The following NCAM2 variants were observed in gnomAD, a reference collection of about 807,000 sequenced individuals.
The protein encoded by NCAM2 is N-CAM-2.
NCAM2 carries 30 observed loss-of-function variants against 98.1 expected under a neutral mutation model. The ratio of observed to expected loss-of-function variants is 0.31; its 90% CI spans 0.23 to 0.41. The LOEUF is 0.41. Among genes scored for constraint, NCAM2 ranks in the 10% least tolerant of loss-of-function variants. NCAM2 has a pLI of 1.00. For missense variants in NCAM2, 867 were observed against 1,005.8 expected, an observed-to-expected ratio of 0.86 and a Z score of 1.87; for synonymous variants, 368 against 342.4, an observed-to-expected ratio of 1.07 and a Z score of -0.83.
chr21:21,477,237 G>T (rs1569103557), intron 14 of NCAM2, 54 bp from the exon 15 acceptor site: 3 of 1,350,032 alleles, frequency 2.2e-6, no homozygotes, highest in East Asian at 2.4e-5. Flanking sequence ...TTTTTAAAAA[G>T]GTGTCACTTT....
At chr21:21,357,904 C>T (rs959224275) in intron 8 of NCAM2, among the ~76,000 whole-genome samples, 1 of 152,014 alleles carries the variant, frequency 6.6e-6, no homozygotes, top group Non-Finnish European at 1.5e-5. Flanking sequence ...ATTGAAGGAA[C>T]AATAATATGT....
rs752006207 is a variant in NCAM2 at position 21,432,303 on chromosome 21, G to T, written c.1654+22G>T. The T allele has an allele frequency of 4.4e-6, 7 of 1,607,880 alleles. No homozygotes were observed. The Admixed American group carries it at 5.0e-5, about 12-fold the overall frequency. On this transcript the variant is annotated intron_variant, in intron 12 of 17. Transcript: ENST00000400546. Reference sequence around the variant, plus strand: ...CAAAGTGAGTCAACAATTTCAAAATGTGTTGGTTAATTCAAGCTGATCTTC... The same window carrying T: ...CAAAGTGAGTCAACAATTTCAAAATTTGTTGGTTAATTCAAGCTGATCTTC...
intron 1 of NCAM2, among the ~76,000 whole-genome samples, chr21:21,166,481 C>G (rs1186968458): frequency 7.2e-6 from 1 of 139,298 alleles, no homozygotes; most frequent in African/African-American, 2.5e-5. Context: ...GCTGGGATTA[C>G]AGGCGTGAGC....
rs370143509 is a variant in NCAM2 at position 21,088,903 on chromosome 21, C to T, written c.55+90285C>T. The stretch of plus-strand genomic sequence containing the variant: ...AGGAGAATGGCTTGAACTCGGGAGG[C>T]GGAGCTTGCAGTGAGCTAGATTGCG... On this transcript the variant is annotated intron_variant, in intron 1 of 17. Transcript: ENST00000400546. 4.6e-5 allele frequency among the ~76,000 whole-genome samples: 7 copies of T among 150,850 alleles called. No individual in the cohort carries two copies. In the East Asian group the frequency reaches 9.8e-4, roughly 21 times the overall value.
rs2067243910 is a variant in NCAM2, at chr21:21,145,046, T to C, written c.56-135532T>C. Among the ~76,000 whole-genome samples, 2 of 152,110 alleles carry C rather than the reference T, an allele frequency of 1.3e-5. 1 individual carries two copies. The highest frequency in any genetic ancestry group is 2.9e-5 in the Non-Finnish European group (2 of 68,024). On this transcript the variant is annotated intron_variant, in intron 1 of 17. Coordinates refer to ENST00000400546, the MANE Select transcript of NCAM2 (RefSeq NM_004540.5). ...CAAGCAATATTACTTTATACTAAAA[T>C]GAATCCCTAATAGAGATTCAAGTTG...
At chr21:21,264,955 G>A (rs1466598340) in intron 1 of NCAM2, among the ~76,000 whole-genome samples, 1 of 80,820 alleles carries the variant, frequency 1.2e-5, no homozygotes, top group Non-Finnish European at 2.9e-5. Context: ...ATATATATGT[G>A]TATGTGTATA....
At chr21:21,110,496 C>T (rs1348590065) in intron 1 of NCAM2, among the ~76,000 whole-genome samples, 1 of 151,730 alleles carries the variant, frequency 6.6e-6, no homozygotes, top group African/African-American at 2.4e-5. Flanking sequence ...ACTGGGGACT[C>T]TACATATAAA....
At chr21:21,362,687 A>G (rs1326220394) in intron 8 of NCAM2, among the ~76,000 whole-genome samples, 1 of 152,150 alleles carries the variant, frequency 6.6e-6, no homozygotes, top group Non-Finnish European at 1.5e-5. Flanking sequence ...TCTTAAATTC[A>G]GTAAAAACTA....
At chr21:21,386,692 T>A (rs907158871) in intron 9 of NCAM2, among the ~76,000 whole-genome samples, 1 of 152,130 alleles carries the variant, frequency 6.6e-6, no homozygotes, top group Non-Finnish European at 1.5e-5. Context: ...TTTTATAACA[T>A]TATTGTCTCT....
chr21:21,089,186 C>A (rs1036907525), intron 1 of NCAM2, among the ~76,000 whole-genome samples: 1 of 151,994 alleles, frequency 6.6e-6, no homozygotes, highest in Non-Finnish European at 1.5e-5. Flanking sequence ...AAAATAGATT[C>A]TGTGTTTGAA....
At chr21:21,245,160 CA>C (rs1173364844) in intron 1 of NCAM2, among the ~76,000 whole-genome samples, 2 of 152,166 alleles carry the variant, frequency 1.3e-5, no homozygotes, top group African/African-American at 2.4e-5. Context: ...TGCATTCCTC[CA>C]AGCTTTTGCT....
At chr21:21,459,729 A>C (rs1355544523) in intron 12 of NCAM2, among the ~76,000 whole-genome samples, 1 of 151,654 alleles carries the variant, frequency 6.6e-6, no homozygotes, top group Non-Finnish European at 1.5e-5. Context: ...GGAGTGAGAG[A>C]TAAGGGAAGT....
chr21:21,380,153 C>T (rs2076121681), intron 9 of NCAM2, among the ~76,000 whole-genome samples: 1 of 152,206 alleles, frequency 6.6e-6, no homozygotes, highest in Admixed American at 6.5e-5. Context: ...CAGATACACC[C>T]AAGAGCAATA....
rs1602470408 is a variant in NCAM2, at chr21:21,482,307, A to G, written c.2077+4836A>G. On this transcript the variant is annotated intron_variant, in intron 15 of 17. Coordinates refer to ENST00000400546, the MANE Select transcript of NCAM2 (RefSeq NM_004540.5). ...AGAGTTAACATTATATATTTGCAAAATATGAAAAAAGATCATATAATTTTA... is the reference window on the plus strand; with the variant it reads ...AGAGTTAACATTATATATTTGCAAAGTATGAAAAAAGATCATATAATTTTA... Among the ~76,000 whole-genome samples, 3 of 152,292 alleles carry G rather than the reference A, an allele frequency of 2.0e-5. No individual in the cohort carries two copies. The South Asian group carries it at 6.2e-4, about 32-fold the overall frequency.
intron 1 of NCAM2, among the ~76,000 whole-genome samples, chr21:21,030,621 C>T (rs1029280772): frequency 1.3e-5 from 2 of 152,184 alleles, no homozygotes; most frequent in Non-Finnish European, 2.9e-5. Flanking sequence ...TGGAAGTGGG[C>T]ATCTCCAGGG....
chr21:21,229,029 A>T lies in NCAM2; in HGVS notation c.56-51549A>T, dbSNP rs952177326. ...TACTCTTTTCTGTATTTCAAAATGT[A>T]TGTGTGTATGTTCTTGTGAAATGGC... On this transcript the variant is annotated intron_variant, in intron 1 of 17. Coordinates refer to ENST00000400546, the MANE Select transcript of NCAM2 (RefSeq NM_004540.5). 1.6e-4 allele frequency among the ~76,000 whole-genome samples: 25 copies of T among 151,612 alleles called. No homozygotes were observed. In the East Asian group the frequency reaches 3.9e-3, roughly 23 times the overall value.
intron 1 of NCAM2, among the ~76,000 whole-genome samples, chr21:21,005,563 C>T (rs1228418633): frequency 6.6e-6 from 1 of 151,678 alleles, no homozygotes; most frequent in Non-Finnish European, 1.5e-5. Flanking sequence ...TTGGCCAATT[C>T]TTCAGAATAA....
At chr21:21,397,806 C>T (rs1191646291) in intron 9 of NCAM2, among the ~76,000 whole-genome samples, 3 of 152,252 alleles carry the variant, frequency 2.0e-5, no homozygotes, top group Admixed American at 2.0e-4. Context: ...ACCTCCCCAA[C>T]TGCAGCTGGC....
intron 12 of NCAM2, among the ~76,000 whole-genome samples, chr21:21,445,793 G>A (rs981421808): frequency 1.3e-5 from 2 of 152,076 alleles, no homozygotes; most frequent in African/African-American, 4.8e-5. Context: ...GCCAGTCTGT[G>A]TCTTTTAATT....
Sources: allele counts gnomAD v4.1 joint callset (sites outside exome capture counted in the v4.1 genomes callset), GRCh38; gene constraint gnomAD v4.1.1; transcripts MANE v1.5; gene names NCBI Gene and HGNC (gene_info 2026-07-23, HGNC 2026-07-21).